Variants in PCSK2 observed in about 807,000 individuals in gnomAD.
The protein encoded by PCSK2 is neuroendocrine convertase 2.
Under a neutral mutation model 69.7 loss-of-function variants are expected in PCSK2, and 14 were observed. The observed-to-expected ratio is 0.20, with a 90% CI of 0.13 to 0.31. PCSK2 has a LOEUF of 0.31. Among genes scored for constraint, PCSK2 ranks in the 10% least tolerant of loss-of-function variants. The probability of loss-of-function intolerance (pLI) is 1.00; values close to 1 mark genes in which losing one functional copy is unlikely to be tolerated. For missense variants in PCSK2, 544 were observed against 842.5 expected (o/e 0.65, Z 4.39); for synonymous variants, 307 against 320.7 (o/e 0.96, Z 0.46).
intron 5 of PCSK2, among the ~76,000 whole-genome samples, chr20:17,391,381 C>T (rs1287694499): frequency 6.6e-6 from 1 of 151,998 alleles, no homozygotes; most frequent in African/African-American, 2.4e-5. Context: ...GGAAATAAAA[C>T]ACATGATTTA....
intron 2 of PCSK2, among the ~76,000 whole-genome samples, chr20:17,295,589 G>C (rs1344197003): frequency 6.7e-6 from 1 of 149,616 alleles, no homozygotes. Flanking sequence ...TAGAGACAGA[G>C]TCTTGCTCTG....
At chr20:17,358,490 TA>T in intron 3 of PCSK2, 50 bp downstream of exon 3, 1 of 1,009,926 alleles carries the variant, frequency 9.9e-7, no homozygotes. Flanking sequence ...AGACTCTGGA[TA>T]AAAGATGAAT....
At chr20:17,416,249 T>G (rs1044531368) in intron 6 of PCSK2, among the ~76,000 whole-genome samples, 2 of 152,166 alleles carry the variant, frequency 1.3e-5, no homozygotes, top group Non-Finnish European at 2.9e-5. Flanking sequence ...GCCTGCAGAA[T>G]GGGAGAAAAT....
rs182284313 is a variant in PCSK2, at chr20:17,231,050, C to G, written c.177+3568C>G. Among the ~76,000 whole-genome samples, 837 of 152,208 alleles carry G rather than the reference C, an allele frequency of 5.5e-3. 4 individuals are homozygous for G. Among genetic ancestry groups the G allele is most frequent in the Non-Finnish European group, 7.8e-3 (528 of 67,994 alleles). On this transcript the variant is annotated intron_variant, in intron 1 of 11. Transcript: ENST00000262545. ...GCTACTAATTTTAATTGATTTGAAA[C>G]AGAAAACAAAAATTATTTATTGAAG... is the stretch of plus-strand genomic sequence containing the variant.
At chr20:17,447,447 C>A (rs1235631123) in intron 8 of PCSK2, among the ~76,000 whole-genome samples, 1 of 152,168 alleles carries the variant, frequency 6.6e-6, no homozygotes, top group East Asian at 1.9e-4. Context: ...ACTATTTTTA[C>A]CCACCAAATT....
chr20:17,276,642 C>A (rs1027200571), intron 2 of PCSK2, among the ~76,000 whole-genome samples: 1 of 152,058 alleles, frequency 6.6e-6, no homozygotes, highest in Non-Finnish European at 1.5e-5. Flanking sequence ...CTTTTTGTTT[C>A]CCTGTAGTTA....
At chr20:17,312,562 A>G (rs1989549954) in intron 2 of PCSK2, among the ~76,000 whole-genome samples, 1 of 151,968 alleles carries the variant, frequency 6.6e-6, no homozygotes, top group South Asian at 2.1e-4. Context: ...TATCAGGATA[A>G]CAAAAAAATC....
chr20:17,239,949 G>A (rs571044911), intron 1 of PCSK2, among the ~76,000 whole-genome samples: 3 of 147,044 alleles, frequency 2.0e-5, no homozygotes, highest in East Asian at 4.0e-4. Context: ...CGCCTCCCGG[G>A]TTCAAGTGAT....
At chr20:17,364,426 G>T (rs1429548173) in intron 4 of PCSK2, among the ~76,000 whole-genome samples, 1 of 152,202 alleles carries the variant, frequency 6.6e-6, no homozygotes, top group African/African-American at 2.4e-5. Context: ...AGAAAAAGAG[G>T]TTTAATAGAC....
At position 17,375,240 on chromosome 20, in the gene PCSK2, G is replaced by A. The variant is rs16999035; in HGVS notation, c.543+5963G>A. ...GGGTGTGCCTCAAGAAACCAGTGCA[G>A]TTGTTCATTGGACCTCCCAGTGAGC... On this transcript the variant is annotated intron_variant, in intron 5 of 11. Coordinates refer to ENST00000262545, the MANE Select transcript of PCSK2 (RefSeq NM_002594.5). Among the ~76,000 whole-genome samples the A allele has an allele frequency of 4.5e-3, 687 of 152,264 alleles. 17 individuals are homozygous for A. Among genetic ancestry groups the A allele is most frequent in the East Asian group, 0.032 (165 of 5,170 alleles).
At chr20:17,364,438 C>A (rs1164476239) in intron 4 of PCSK2, among the ~76,000 whole-genome samples, 1 of 152,200 alleles carries the variant, frequency 6.6e-6, no homozygotes, top group Non-Finnish European at 1.5e-5. Flanking sequence ...TTAATAGACT[C>A]ACAGTTCCAT....
intron 5 of PCSK2, among the ~76,000 whole-genome samples, chr20:17,398,097 A>G (rs1215125731): frequency 6.6e-6 from 1 of 152,226 alleles, no homozygotes; most frequent in Non-Finnish European, 1.5e-5. Flanking sequence ...TATCAAAATC[A>G]ATTTCTTCCT....
intron 2 of PCSK2, among the ~76,000 whole-genome samples, chr20:17,295,753 A>G (rs1167227335): frequency 6.6e-6 from 1 of 151,824 alleles, no homozygotes; most frequent in Non-Finnish European, 1.5e-5. Context: ...CGGGGGTCTT[A>G]CTATGTTGCC....
intron 2 of PCSK2, among the ~76,000 whole-genome samples, chr20:17,266,004 A>G (rs1030794822): frequency 9.2e-5 from 14 of 152,214 alleles, no homozygotes; most frequent in Non-Finnish European, 1.8e-4. Flanking sequence ...CTGCTTATGA[A>G]TCTGTCGTTC....
intron 5 of PCSK2, among the ~76,000 whole-genome samples, chr20:17,388,373 G>A (rs570482742): frequency 6.6e-6 from 1 of 152,144 alleles, no homozygotes; most frequent in East Asian, 1.9e-4. Context: ...AGCAGATGGG[G>A]GCTTTTCTAG....
intron 2 of PCSK2, among the ~76,000 whole-genome samples, chr20:17,264,028 G>T (rs1047580763): frequency 6.6e-6 from 1 of 152,122 alleles, no homozygotes; most frequent in Non-Finnish European, 1.5e-5. Context: ...TCAGTCCCTG[G>T]TCAACATATC....
chr20:17,375,359 A>G (rs907093348), intron 5 of PCSK2, among the ~76,000 whole-genome samples: 26 of 152,304 alleles, frequency 1.7e-4, no homozygotes, highest in Non-Finnish European at 3.4e-4. Context: ...GAGGATACCA[A>G]CATAAATCTC....
chr20:17,470,015 C>T (rs942781696), intron 11 of PCSK2, among the ~76,000 whole-genome samples: 1 of 152,172 alleles, frequency 6.6e-6, no homozygotes, highest in Non-Finnish European at 1.5e-5. Flanking sequence ...CAAGGTCTGC[C>T]GTGTCTTTTG....
chr20:17,475,329 G>A (rs1049390922), intron 11 of PCSK2, among the ~76,000 whole-genome samples: 1 of 151,732 alleles, frequency 6.6e-6, no homozygotes, highest in African/African-American at 2.4e-5. Flanking sequence ...GTGGTGCACA[G>A]CCCAGGGAAG....
Sources: gnomAD v4.1 joint callset for allele counts (sites outside exome capture counted in the v4.1 genomes callset) on GRCh38, gnomAD v4.1.1 for gene constraint, MANE v1.5 for transcripts, NCBI Gene and HGNC (gene_info 2026-07-23, HGNC 2026-07-21) for gene names.